The following SAP130 variants were observed in gnomAD, a reference collection of about 807,000 sequenced individuals.
SAP130 encodes Sin3A associated protein 130.
A neutral mutation model predicts 103.2 loss-of-function variants in SAP130; 16 were observed. The ratio of observed to expected loss-of-function variants is 0.16; its 90% CI spans 0.10 to 0.24. The LOEUF (loss-of-function observed/expected upper bound fraction) is 0.24, where lower values mean the gene tolerates loss of function less well. Ranked by LOEUF, SAP130 falls within the 10% of genes least tolerant of loss-of-function variation. The pLI, the probability that SAP130 is intolerant of heterozygous loss-of-function variation, is 1.00. For synonymous variants in SAP130, 477 were observed against 497.0 expected (o/e 0.96, Z 0.53); for missense variants, 990 against 1,359.7 (o/e 0.73, Z 4.28).
At chr2:128,019,442 A>AT (rs1337005701) in intron 2 of SAP130, among the ~76,000 whole-genome samples, 2 of 152,040 alleles carry the variant, frequency 1.3e-5, no homozygotes, top group African/African-American at 4.8e-5. Context: ...TAATTCTTTT[A>AT]TTTTTTTATG....
At chr2:127,967,907 C>G (rs1680772467) in intron 15 of SAP130, among the ~76,000 whole-genome samples, 1 of 152,064 alleles carries the variant, frequency 6.6e-6, no homozygotes, top group Non-Finnish European at 1.5e-5. Context: ...ATTCAAACTT[C>G]AAAAAATTCA....
intron 6 of SAP130, among the ~76,000 whole-genome samples, chr2:128,011,844 A>T (rs975748902): frequency 1.3e-5 from 2 of 151,614 alleles, no homozygotes; most frequent in African/African-American, 4.9e-5. Flanking sequence ...ATGGAGTCTC[A>T]CTCTCTCGTC....
rs1439134602 is a variant in SAP130 at position 127,986,999 on chromosome 2, G to C, written c.1781-37C>G. ...AGGCAACAGGAAAGAACATTGAAGA[G>C]AGGGAAACAAAATGCCATAGAAGAC... On this transcript the variant is annotated intron_variant, in intron 13 of 20. Transcript: ENST00000643581. This position sits in a 1 kb window ranked among gnomAD's most constrained non-coding sequence, Gnocchi z 4.7. 1 of 1,574,846 alleles carries C rather than the reference G, an allele frequency of 6.3e-7. No individual in the cohort carries two copies. The highest frequency in any genetic ancestry group is 1.1e-5 in the South Asian group (1 of 89,226).
At chr2:127,959,764 G>C (rs942885232) in intron 15 of SAP130, among the ~76,000 whole-genome samples, 3 of 152,138 alleles carry the variant, frequency 2.0e-5, no homozygotes, top group African/African-American at 7.2e-5. Context: ...TCATAAATAT[G>C]TGTTAATATG....
At chr2:127,992,950 T>C (rs953981266) in intron 12 of SAP130, among the ~76,000 whole-genome samples, 9 of 152,196 alleles carry the variant, frequency 5.9e-5, no homozygotes, top group Admixed American at 5.2e-4. Context: ...TAACAAAAAT[T>C]GTTAACATGA....
intron 15 of SAP130, among the ~76,000 whole-genome samples, chr2:127,963,667 T>G (rs558251749): frequency 2.6e-5 from 4 of 152,308 alleles, no homozygotes; most frequent in African/African-American, 9.6e-5. Context: ...AGAGGGACCC[T>G]GTGGGAGATG....
chr2:127,978,369 T>C (rs761495997), intron 14 of SAP130, among the ~76,000 whole-genome samples: 4 of 152,230 alleles, frequency 2.6e-5, no homozygotes, highest in Non-Finnish European at 2.9e-5. Flanking sequence ...TGTGACTCTT[T>C]TAGCCGCTGC....
At chr2:128,006,085 G>GT (rs1242571415) in intron 7 of SAP130, among the ~76,000 whole-genome samples, 3 of 149,466 alleles carry the variant, frequency 2.0e-5, no homozygotes, top group East Asian at 2.0e-4. Flanking sequence ...TTTGTAAGCG[G>GT]TTAAAAAAAA....
At chr2:127,949,339 A>T (rs888214027) in intron 18 of SAP130, among the ~76,000 whole-genome samples, 2 of 152,208 alleles carry the variant, frequency 1.3e-5, no homozygotes, top group African/African-American at 4.8e-5. Flanking sequence ...TTTCAATCAT[A>T]TGTGGGTTTA....
At chr2:127,958,496 C>T (rs554309113) in intron 15 of SAP130, among the ~76,000 whole-genome samples, 1 of 152,290 alleles carries the variant, frequency 6.6e-6, no homozygotes, top group Admixed American at 6.5e-5. Context: ...AAGAAATGAA[C>T]ACATAAGATA....
intron 14 of SAP130, among the ~76,000 whole-genome samples, chr2:127,982,349 A>G (rs1682010179): frequency 1.3e-5 from 2 of 152,150 alleles, no homozygotes; most frequent in Non-Finnish European, 2.9e-5. Flanking sequence ...TTGAATAGAC[A>G]AGAGAGGAGG....
chr2:128,000,265 A>C, intron 8 of SAP130, 42 bp downstream of exon 8: 2 of 1,613,080 alleles, frequency 1.2e-6, no homozygotes, highest in Non-Finnish European at 1.7e-6. Flanking sequence ...TTTTGGTTTT[A>C]CCCAACAAAG....
intron 7 of SAP130, among the ~76,000 whole-genome samples, chr2:128,001,462 G>A (rs1404541592): frequency 6.6e-6 from 1 of 152,212 alleles, no homozygotes; most frequent in African/African-American, 2.4e-5. Flanking sequence ...AAAAAGAACT[G>A]TGAAGTTAGT....
At chr2:128,027,878 G>C (rs894751746) in intron 1 of SAP130, 62 bp downstream of exon 1, 3 of 955,688 alleles carry the variant, frequency 3.1e-6, no homozygotes, top group Non-Finnish European at 3.7e-6. Flanking sequence ...CTGCAGCCCG[G>C]CTCAGCCGCC....
rs1358782974 is a variant in SAP130 at position 128,013,234 on chromosome 2, G to C, written c.620-80C>G. On this transcript the variant is annotated intron_variant, in intron 5 of 20. Transcript: ENST00000643581. ...TAATCAGTATGTTTCCCAAAACTCA[G>C]ATAGCATGTCAATATCGAGCTGAAG... 3 of 1,344,378 alleles carry C rather than the reference G, an allele frequency of 2.2e-6. No individual in the cohort carries two copies. In the African/African-American group the frequency reaches 4.5e-5, roughly 20 times the overall value. The allele number at this position is 1,344,378 out of a possible 1,614,324, so 83.3% of individuals were successfully genotyped here. A position where few individuals can be genotyped will look rare whatever the true frequency, so the allele number is the denominator to read the frequency against.
chr2:127,972,353 G>A (rs902659306), intron 15 of SAP130, among the ~76,000 whole-genome samples: 29 of 152,222 alleles, frequency 1.9e-4, no homozygotes, highest in Non-Finnish European at 5.9e-5. Flanking sequence ...GCTCATGCCT[G>A]TAATCCCAAT....
intron 11 of SAP130, among the ~76,000 whole-genome samples, chr2:127,994,628 A>G (rs1283478975): frequency 6.6e-6 from 1 of 151,900 alleles, no homozygotes; most frequent in East Asian, 1.9e-4. Context: ...GCATGATTGC[A>G]TGTGCCTGCA....
chr2:128,022,011 G>A (rs879504915), intron 2 of SAP130, among the ~76,000 whole-genome samples: 1 of 152,150 alleles, frequency 6.6e-6, no homozygotes, highest in Non-Finnish European at 1.5e-5. Context: ...TGTAACATTA[G>A]ATAAGTGTTC....
intron 1 of SAP130, chr2:128,027,408 C>G: frequency 2.7e-6 from 3 of 1,130,012 alleles, no homozygotes; most frequent in Non-Finnish European, 3.2e-6. Context: ...CCGCCCCACC[C>G]TCCCGCCGAC....
Sources: allele counts gnomAD v4.1 joint callset (sites outside exome capture counted in the v4.1 genomes callset), GRCh38; gene constraint gnomAD v4.1.1; non-coding constraint Gnocchi (gnomAD v3.1); transcripts MANE v1.5; gene names NCBI Gene and HGNC (gene_info 2026-07-23, HGNC 2026-07-21).